The following LAMA1 variants were observed in gnomAD, a reference collection of about 807,000 sequenced individuals.
LAMA1 encodes laminin subunit alpha-1.
A neutral mutation model predicts 348.7 loss-of-function variants in LAMA1; 219 were observed. The ratio of observed to expected loss-of-function variants is 0.63; its 90% CI spans 0.56 to 0.70. The LOEUF (loss-of-function observed/expected upper bound fraction) is 0.70. Among genes scored for constraint, LAMA1 ranks in the 30% least tolerant of loss-of-function variants. The pLI is 0.00. For missense variants in LAMA1, 3,744 were observed against 3,888.0 expected, an observed-to-expected ratio of 0.96 and a Z score of 0.99; for synonymous variants, 1,487 against 1,491.0, an observed-to-expected ratio of 1.00 and a Z score of 0.06.
At chr18:6,955,695 G>A (rs972073507) in intron 56 of LAMA1, 17 of 632,566 alleles carry the variant, frequency 2.7e-5, no homozygotes, top group Non-Finnish European at 4.4e-5. Flanking sequence ...AATCCCACTC[G>A]GCTTCACTGA....
Position 7,044,728 on chromosome 18 carries a change from A to G in LAMA1, c.970T>C (p.Cys324Arg). The change falls in exon 7 of 63, where the codon TGT (cysteine) becomes CGT (arginine). Residue 324 changes from cysteine (C) to arginine (R), a missense_variant. Physicochemically the swap from Cys to Arg is radical, Grantham distance 180. This residue lies in a region of LAMA1 where 1,529 missense variants were observed against 1,689.4 expected (regional missense o/e 0.91). Transcript: ENST00000389658. Reference sequence around the variant, plus strand: ...AGATTCTAAGTATACTGACCTTCACATGTATTGCCGGAGGACACGGTTCCC... The same window carrying G: ...AGATTCTAAGTATACTGACCTTCACGTGTATTGCCGGAGGACACGGTTCCC... ...RPGTVSSGNT[C>R]EACNCHNKAK... 6.2e-7 allele frequency: 1 copy of G among 1,613,208 alleles called. No homozygotes were observed. The highest frequency in any genetic ancestry group is 8.5e-7 in the Non-Finnish European group (1 of 1,179,142).
intron 39 of LAMA1, 138 bp downstream of exon 39, chr18:6,985,099 A>G (rs575973706): frequency 4.9e-6 from 5 of 1,027,678 alleles, no homozygotes; most frequent in Non-Finnish European, 7.5e-6. Flanking sequence ...AGGAAATCCA[A>G]CTTGCCAGGT....
intron 48 of LAMA1, among the ~76,000 whole-genome samples, chr18:6,969,775 C>T (rs753579403): frequency 1.3e-5 from 2 of 152,012 alleles, no homozygotes; most frequent in East Asian, 1.9e-4. Context: ...TGTGGAAATC[C>T]GGAGGCAGGC....
intron 3 of LAMA1, among the ~76,000 whole-genome samples, chr18:7,057,746 C>T (rs1375631301): frequency 4.0e-5 from 6 of 151,062 alleles, no homozygotes; most frequent in East Asian, 2.0e-4. Context: ...CCCAAACTGC[C>T]GTGATTACAG....
At position 6,974,929 on chromosome 18, in the gene LAMA1, G is replaced by A. The variant is rs1386479358; in HGVS notation, c.6597C>T (p.Asn2199=). Residue 2199 remains asparagine (N), a synonymous_variant, in exon 46 of 63, where the codon AAC becomes AAT. Coordinates refer to ENST00000389658, the MANE Select transcript of LAMA1 (RefSeq NM_005559.4). Reference sequence around the variant, plus strand: ...TGGCTACATGGATACTGTGCCATCTGTTGTCATCAATGGGAAAGTCTGGAA... The same window carrying A: ...TGGCTACATGGATACTGTGCCATCTATTGTCATCAATGGGAAAGTCTGGAA... ...LEFPDFPIDD[N]RWHSIHVARF... is the part of the protein sequence containing the mutation. The A allele has an allele frequency of 6.2e-7, 1 of 1,614,084 alleles. No homozygotes were observed. The highest frequency in any genetic ancestry group is 2.2e-5 in the East Asian group (1 of 44,862).
chr18:6,952,708 C>T (rs1462284824), intron 57 of LAMA1, among the ~76,000 whole-genome samples: 3 of 152,264 alleles, frequency 2.0e-5, no homozygotes, highest in Admixed American at 6.5e-5. Context: ...CCATCCCACT[C>T]GGTCCTGCCC....
In LAMA1 at chr18:6,951,092, A is replaced by T. The variant is rs1401544672; in HGVS notation, c.8208-121T>A. On this transcript the variant is annotated intron_variant, in intron 57 of 62. Transcript: ENST00000389658. Reference sequence around the variant, plus strand: ...ATTGAACATCTCAGGAGAGAGGGGTATTCATTCCTTCATCCATTTACACAT... The same window carrying T: ...ATTGAACATCTCAGGAGAGAGGGGTTTTCATTCCTTCATCCATTTACACAT... 28 of 848,238 alleles carry T rather than the reference A, an allele frequency of 3.3e-5. 1 individual carries two copies. In the South Asian group the frequency reaches 4.0e-4, roughly 12 times the overall value. The allele number at this position is 848,238 out of a possible 1,614,324, so 52.5% of individuals were successfully genotyped here. A position where few individuals can be genotyped will look rare whatever the true frequency, so the allele number is the denominator to read the frequency against.
Position 7,046,265 on chromosome 18 carries a change from T to G in LAMA1, c.858+13A>C. 1 of 1,562,844 alleles carries G rather than the reference T, an allele frequency of 6.4e-7. No individual in the cohort carries two copies. On this transcript the variant is annotated intron_variant, in intron 6 of 62. Transcript: ENST00000389658. ...TTTGAAGTTTTAGTAAAATGTGAAA[T>G]ACTAGAACTCACCTTTGTAGTTTCA... is the stretch of plus-strand genomic sequence containing the variant.
At chr18:6,983,002 T>C (rs777854827) in intron 40 of LAMA1, 97 bp downstream of exon 40, 33 of 1,478,696 alleles carry the variant, frequency 2.2e-5, no homozygotes, top group Middle Eastern at 1.8e-4. Flanking sequence ...GAAAAGAATG[T>C]TAATAGGCAG....
At position 6,956,683 on chromosome 18, in the gene LAMA1, G is replaced by A. The variant is rs778592607; in HGVS notation, c.8047C>T (p.Pro2683Ser). The A allele has an allele frequency of 1.1e-5, 18 of 1,614,070 alleles. No individual in the cohort carries two copies. The South Asian group carries it at 1.9e-4, about 17-fold the overall frequency. ...CWLSERPKLA[P>S]DAEDSKLLPE... The stretch of plus-strand genomic sequence containing the variant: ...AAGAGCTTGCTGTCCTCTGCATCGG[G>A]AGCCAGCTTAGGCCTTTCTGACAGC... Residue 2683 changes from proline to serine, a missense_variant, in exon 56 of 63, where the codon CCC becomes TCC. By Grantham distance (74) the Pro-to-Ser change is moderately conservative (BLOSUM62 -1). This residue lies in a region of LAMA1 where 1,983 missense variants were observed against 1,934.3 expected (regional missense o/e 1.03). Transcript: ENST00000389658.
chr18:7,020,530 A>G (rs529658932), intron 19 of LAMA1, among the ~76,000 whole-genome samples: 2 of 152,294 alleles, frequency 1.3e-5, no homozygotes, highest in South Asian at 4.1e-4. Flanking sequence ...GGATATGCAG[A>G]AACAGTTCAC....
chr18:6,999,752 GA>G, intron 31 of LAMA1, 114 bp from the exon 32 acceptor site: 1 of 1,219,336 alleles, frequency 8.2e-7, no homozygotes, highest in Non-Finnish European at 1.2e-6. Context: ...TTCACCTTGG[GA>G]AAACTTGTTC....
intron 59 of LAMA1, 71 bp from the exon 60 acceptor site, chr18:6,948,627 C>CACTT: frequency 6.4e-7 from 1 of 1,568,564 alleles, no homozygotes; most frequent in Middle Eastern, 1.7e-4. Context: ...ATTTTCCTTC[C>CACTT]ACTTCATCAG....
At chr18:6,958,900 T>C (rs1283767283) in intron 54 of LAMA1, among the ~76,000 whole-genome samples, 1 of 152,174 alleles carries the variant, frequency 6.6e-6, no homozygotes, top group Admixed American at 6.5e-5. Context: ...GATTGCTTTT[T>C]GGAGAGATTT....
chr18:6,955,810 A>G, intron 56 of LAMA1: 1 of 387,512 alleles, frequency 2.6e-6, no homozygotes, highest in Non-Finnish European at 5.0e-6. Context: ...GGTTTTGGGA[A>G]TGGCCCTAAG....
In LAMA1 at chr18:6,946,362, G is replaced by A. The variant is rs530663808; in HGVS notation, c.8844+801C>T. 5.3e-5 allele frequency among the ~76,000 whole-genome samples: 8 copies of A among 152,260 alleles called. 1 individual carries two copies. The East Asian group carries it at 7.7e-4, about 15-fold the overall frequency. ...GATTAGTGGTTGCCTAGGATTAGGG[G>A]TACAGGAGTTGGGTGTGGCCATGAT... On this transcript the variant is annotated intron_variant, in intron 61 of 62. Transcript: ENST00000389658.
In LAMA1 at chr18:7,072,560, G is replaced by A. The variant is rs538155897; in HGVS notation, c.345+7415C>T. Among the ~76,000 whole-genome samples, 10 of 152,318 alleles carry A rather than the reference G, an allele frequency of 6.6e-5. No homozygotes were observed. The East Asian group carries it at 1.9e-3, about 29-fold the overall frequency. On this transcript the variant is annotated intron_variant, in intron 3 of 62. Coordinates refer to ENST00000389658, the MANE Select transcript of LAMA1 (RefSeq NM_005559.4). ...GAACCAAGAATACCTAGTTTGTAAT[G>A]TATTAGACAGCAGTCCATGATTTCT...
In LAMA1 at chr18:6,983,182, C is replaced by CAT; in HGVS notation, c.5711_5712dup (p.Val1905MetfsTer9). The CAT allele has an allele frequency of 1.2e-6, 2 of 1,614,168 alleles. No individual in the cohort carries two copies. Among genetic ancestry groups the CAT allele is most frequent in the Non-Finnish European group, 1.7e-6 (2 of 1,180,032 alleles). On this transcript the variant is annotated frameshift_variant, in exon 40 of 63. Transcript: ENST00000389658. LOFTEE classifies it high-confidence loss of function. Reference sequence around the variant, plus strand: ...ATCAGGCTCTGGATGTTGTAATGGACATAGGCTGCACTGGTGGCATTCAGG... The same window carrying CAT: ...ATCAGGCTCTGGATGTTGTAATGGACATATAGGCTGCACTGGTGGCATTCAGG...
intron 3 of LAMA1, among the ~76,000 whole-genome samples, chr18:7,057,031 C>T (rs1698896550): frequency 6.6e-6 from 1 of 152,052 alleles, no homozygotes. Context: ...GCCACCATGT[C>T]CAGCTAATTT....
Sources: gnomAD v4.1 joint callset for allele counts (sites outside exome capture counted in the v4.1 genomes callset) on GRCh38, gnomAD v4.1.1 for gene constraint, gnomAD v4.1.1 regional missense constraint, MANE v1.5 for transcripts, NCBI Gene and HGNC (gene_info 2026-07-23, HGNC 2026-07-21) for gene names.